SP100: variants seen among roughly 807,000 people sequenced by gnomAD.
The protein encoded by SP100 is nuclear autoantigen Sp-100.
A neutral mutation model predicts 130.0 loss-of-function variants in SP100; 84 were observed. That is an observed-to-expected ratio of 0.65 (90% confidence interval 0.54 to 0.77). The LOEUF (loss-of-function observed/expected upper bound fraction) is 0.77. Ranked by LOEUF, SP100 falls within the 30% of genes least tolerant of loss-of-function variation. The pLI is 0.00. For synonymous variants in SP100, 331 were observed against 351.7 expected (o/e 0.94, Z 0.66); for missense variants, 978 against 1,052.2 (o/e 0.93, Z 0.97).
chr2:230,542,229 C>T, intron 28 of SP100, among the ~76,000 whole-genome samples, 194 bp downstream of exon 28: 1 of 152,110 alleles, frequency 6.6e-6, no homozygotes, highest in Non-Finnish European at 1.5e-5. Flanking sequence ...CTGGAAGGTG[C>T]CATTGCAAAC....
intron 17 of SP100, among the ~76,000 whole-genome samples, chr2:230,492,794 G>A (rs1053757411): frequency 6.6e-6 from 1 of 152,102 alleles, no homozygotes; most frequent in Non-Finnish European, 1.5e-5. Context: ...TACATTCCAA[G>A]AATTTTTCTG....
chr2:230,478,068 A>T (rs1240834765), intron 17 of SP100, among the ~76,000 whole-genome samples: 8 of 152,080 alleles, frequency 5.3e-5, no homozygotes, highest in Non-Finnish European at 7.4e-5. Flanking sequence ...CTGGCATTTT[A>T]AAAAAGTTTT....
At chr2:230,460,530 T>G (rs2149961116) in intron 8 of SP100, among the ~76,000 whole-genome samples, 1 of 152,028 alleles carries the variant, frequency 6.6e-6, no homozygotes, top group Non-Finnish European at 1.5e-5. Flanking sequence ...TTTGAGCAAG[T>G]TAGTGGAAAC....
intron 24 of SP100, among the ~76,000 whole-genome samples, chr2:230,536,247 C>T (rs1476470779): frequency 6.6e-6 from 1 of 152,078 alleles, no homozygotes; most frequent in Non-Finnish European, 1.5e-5. Flanking sequence ...ATGTGGGTCA[C>T]CCATGGTATG....
At chr2:230,485,382 A>G (rs1213937639) in intron 17 of SP100, among the ~76,000 whole-genome samples, 1 of 152,124 alleles carries the variant, frequency 6.6e-6, no homozygotes, top group African/African-American at 2.4e-5. Flanking sequence ...TGACTCAGTT[A>G]TTTAAGAGAG....
chr2:230,488,902 G>A (rs997500925), intron 17 of SP100, among the ~76,000 whole-genome samples: 5 of 152,152 alleles, frequency 3.3e-5, no homozygotes, highest in African/African-American at 9.7e-5. Context: ...GTTTTTTAAT[G>A]TACTGCTGGA....
intron 24 of SP100, chr2:230,516,299 A>G (rs1181151534): frequency 3.2e-5 from 5 of 157,722 alleles, no homozygotes; most frequent in African/African-American, 9.6e-5. Context: ...GCAAATAACC[A>G]TTGTCATAAG....
intron 5 of SP100, among the ~76,000 whole-genome samples, chr2:230,447,141 G>A (rs759273754): frequency 3.4e-4 from 51 of 152,214 alleles, no homozygotes; most frequent in Non-Finnish European, 5.7e-4. Flanking sequence ...TACAGATGCC[G>A]ACTACCTAGA....
chr2:230,463,856 C>A (rs2064793059), intron 10 of SP100: 1 of 371,236 alleles, frequency 2.7e-6, no homozygotes, highest in Non-Finnish European at 5.0e-6. Context: ...AAAGGCCAAG[C>A]AAGGCAAATA....
At chr2:230,434,840 C>G (rs2063201449) in intron 2 of SP100, among the ~76,000 whole-genome samples, 1 of 152,126 alleles carries the variant, frequency 6.6e-6, no homozygotes, top group Non-Finnish European at 1.5e-5. Flanking sequence ...AGTCAAGAAA[C>G]AGCAGAGGCG....
chr2:230,481,392 T>C (rs1423277777), intron 17 of SP100, among the ~76,000 whole-genome samples: 1 of 152,188 alleles, frequency 6.6e-6, no homozygotes, highest in Non-Finnish European at 1.5e-5. Context: ...CTACATTTAC[T>C]AAGTTTGAGC....
intron 2 of SP100, among the ~76,000 whole-genome samples, chr2:230,441,163 AACAG>A (rs1312083320): frequency 1.3e-5 from 2 of 152,238 alleles, no homozygotes; most frequent in African/African-American, 2.4e-5. Flanking sequence ...CAAAGACTTG[AACAG>A]ACACTTTACA....
chr2:230,444,291 T>C lies in SP100; in HGVS notation c.384T>C (p.Asp128=), dbSNP rs771959324. ...NLPVLEALFS[D]VNMQEYPDLI... is the part of the protein sequence containing the mutation. ...CAGTTCTGGAAGCACTGTTCAGCGA[T>C]GTCAACATGCAGGAATACCCCGATT... Residue 128 remains aspartate (D), a synonymous_variant, in exon 4 of 29, where the codon GAT becomes GAC. Transcript: ENST00000340126. The C allele has an allele frequency of 1.7e-5, 27 of 1,613,884 alleles. No individual in the cohort carries two copies. Among genetic ancestry groups the C allele is most frequent in the Non-Finnish European group, 2.2e-5 (26 of 1,179,910 alleles).
chr2:230,519,635 A>G (rs569995450), intron 24 of SP100, among the ~76,000 whole-genome samples: 43 of 152,256 alleles, frequency 2.8e-4, no homozygotes, highest in African/African-American at 9.6e-4. Flanking sequence ...AAAGGGAGAA[A>G]GCTTCTGAAG....
chr2:230,474,957 C>T (rs1188638411), intron 17 of SP100, among the ~76,000 whole-genome samples: 1 of 151,388 alleles, frequency 6.6e-6, no homozygotes, highest in Non-Finnish European at 1.5e-5. Flanking sequence ...AGATTGGTTC[C>T]GTGTCTTTGC....
intron 24 of SP100, chr2:230,515,424 T>C (rs1362639565): frequency 1.2e-6 from 2 of 1,613,708 alleles, no homozygotes; most frequent in African/African-American, 1.3e-5. Context: ...GGATGTGGAA[T>C]AACACCGCTG....
intron 19 of SP100, among the ~76,000 whole-genome samples, chr2:230,500,800 G>A (rs188284836): frequency 2.3e-4 from 35 of 152,250 alleles, no homozygotes; most frequent in East Asian, 1.7e-3. Context: ...TGTGGCAACC[G>A]CATCAACTAC....
At chr2:230,491,448 G>T (rs917607771) in intron 17 of SP100, among the ~76,000 whole-genome samples, 2 of 152,230 alleles carry the variant, frequency 1.3e-5, no homozygotes, top group African/African-American at 4.8e-5. Flanking sequence ...TCTGGCTGTA[G>T]TAGGCCACAG....
At chr2:230,516,068 C>G in intron 24 of SP100, 1 of 989,498 alleles carries the variant, frequency 1.0e-6, no homozygotes, top group Non-Finnish European at 1.2e-6. Context: ...CTGAATGCTT[C>G]TAAGTAAATA....
Sources: allele counts gnomAD v4.1 joint callset (sites outside exome capture counted in the v4.1 genomes callset), GRCh38; gene constraint gnomAD v4.1.1; transcripts MANE v1.5; gene names NCBI Gene and HGNC (gene_info 2026-07-23, HGNC 2026-07-21).